GLG1: variants seen among roughly 807,000 people sequenced by gnomAD.
The protein encoded by GLG1 is Golgi apparatus protein 1.
Under a neutral mutation model 160.5 loss-of-function variants are expected in GLG1, and 38 were observed. The ratio of observed to expected loss-of-function variants is 0.24; its 90% CI spans 0.18 to 0.31. GLG1 has a LOEUF of 0.31. Ranked by LOEUF, GLG1 falls within the 10% of genes least tolerant of loss-of-function variation. The pLI is 1.00. For synonymous variants in GLG1, 644 were observed against 543.4 expected (o/e 1.19, Z -2.57); for missense variants, 1,373 against 1,505.2 (o/e 0.91, Z 1.45).
intron 10 of GLG1, among the ~76,000 whole-genome samples, chr16:74,482,426 G>A (rs1203914968): frequency 6.6e-6 from 1 of 152,208 alleles, no homozygotes; most frequent in Admixed American, 6.5e-5. Flanking sequence ...GGTGGGGAGA[G>A]AAAGCAAGAT....
intron 1 of GLG1, among the ~76,000 whole-genome samples, chr16:74,603,630 A>T (rs1329154033): frequency 6.6e-6 from 1 of 151,930 alleles, no homozygotes; most frequent in Non-Finnish European, 1.5e-5. Context: ...TCGAAATACA[A>T]GACACTAGTG....
intron 4 of GLG1, among the ~76,000 whole-genome samples, chr16:74,497,242 TCG>T (rs2016223248): frequency 6.6e-6 from 1 of 150,596 alleles, no homozygotes. Context: ...TGAGCCGAGA[TCG>T]TGCCACTGCA....
At chr16:74,599,856 T>C (rs1480384445) in intron 1 of GLG1, among the ~76,000 whole-genome samples, 2 of 149,746 alleles carry the variant, frequency 1.3e-5, no homozygotes, top group Non-Finnish European at 3.0e-5. Context: ...AGAGCTAGAC[T>C]CTGTCTCAAA....
chr16:74,477,631 T>C, intron 11 of GLG1, 98 bp from the exon 12 acceptor site: 1 of 854,428 alleles, frequency 1.2e-6, no homozygotes, highest in East Asian at 2.7e-5. Flanking sequence ...CAAATAACCC[T>C]GTATTTTATC....
intron 15 of GLG1, among the ~76,000 whole-genome samples, chr16:74,470,290 TTCCTTCCTTCCTTCCCTCCCTCCC>T (rs1597234464): frequency 6.8e-6 from 1 of 146,476 alleles, no homozygotes; most frequent in African/African-American, 2.5e-5. Context: ...CTTCCTTCCT[TTCCTTCCTTCCTTCCCTCCCTCCC>T]TCCTTCCTTC....
chr16:74,516,807 C>T (rs958173324), intron 2 of GLG1, among the ~76,000 whole-genome samples: 1 of 151,980 alleles, frequency 6.6e-6, no homozygotes, highest in Non-Finnish European at 1.5e-5. Context: ...AGATAGACTG[C>T]TAGCAAGACT....
chr16:74,518,329 G>A (rs1188950807), intron 2 of GLG1, among the ~76,000 whole-genome samples: 1 of 152,058 alleles, frequency 6.6e-6, no homozygotes, highest in South Asian at 2.1e-4. Context: ...CCAAAACAGC[G>A]TGGTACTGGT....
Position 74,462,132 on chromosome 16 carries a change from G to A in GLG1, c.2998C>T (p.Arg1000Cys), listed in dbSNP as rs751838596. 2.5e-6 allele frequency: 4 copies of A among 1,608,018 alleles called. No individual in the cohort carries two copies. Among genetic ancestry groups the A allele is most frequent in the African/African-American group, 1.3e-5 (1 of 74,884 alleles). The change falls in exon 22 of 26, where the codon CGC (arginine) becomes TGC (cysteine). Residue 1000 changes from arginine (R) to cysteine (C), a missense_variant. Arg to Cys is a radical substitution (Grantham distance 180, BLOSUM62 -3). Transcript: ENST00000422840. ...IIIQESALDYRLDPQLQLHCS... is the reference protein window; with the variant it reads ...IIIQESALDYCLDPQLQLHCS... ...TGCAGCTGGAGCTGAGGATCCAGGC[G>A]GTAGTCCAGGGCGGACTCCTGGATA...
rs118116938 is a variant in GLG1, at chr16:74,522,276, G to A, written c.471+9845C>T. ...GGGCAGATTTACAAGTATTTGTGTAGGGTAAACACCTAGAAGTAAAATGGC... is the reference window on the plus strand; with the variant it reads ...GGGCAGATTTACAAGTATTTGTGTAAGGTAAACACCTAGAAGTAAAATGGC... On this transcript the variant is annotated intron_variant, in intron 2 of 25. Transcript: ENST00000422840. Among the ~76,000 whole-genome samples, 5 of 152,214 alleles carry A rather than the reference G, an allele frequency of 3.3e-5. No homozygotes were observed. The East Asian group carries it at 5.8e-4, about 18-fold the overall frequency.
chr16:74,521,552 A>C (rs946515013), intron 2 of GLG1, among the ~76,000 whole-genome samples: 2 of 152,194 alleles, frequency 1.3e-5, no homozygotes, highest in Non-Finnish European at 2.9e-5. Context: ...TTGAGCAACC[A>C]GAAGAATAGA....
intron 1 of GLG1, among the ~76,000 whole-genome samples, chr16:74,555,747 T>C (rs1357547345): frequency 1.3e-5 from 2 of 151,580 alleles, no homozygotes; most frequent in Non-Finnish European, 2.9e-5. Context: ...TCAGGAACAA[T>C]TAGCCTAAGA....
Position 74,471,303 on chromosome 16 carries a change from G to A in GLG1, c.2116-17C>T, listed in dbSNP as rs775759408. ...TGCCACATCCTGGGGAAGACAGCAT[G>A]CATTTACACTTCATTGGTAACAATT... On this transcript the variant is annotated splice_polypyrimidine_tract_variant and intron_variant, in intron 14 of 25. Transcript: ENST00000422840. 7.7e-7 allele frequency: 1 copy of A among 1,292,236 alleles called. No individual in the cohort carries two copies. The highest frequency in any genetic ancestry group is 1.2e-5 in the South Asian group (1 of 84,266). 80.0% of individuals were successfully genotyped at this position (1,292,236 alleles called of 1,614,324 possible). A position where few individuals can be genotyped will look rare whatever the true frequency, so the allele number is the denominator to read the frequency against.
intron 1 of GLG1, among the ~76,000 whole-genome samples, chr16:74,605,176 C>G (rs1958536729): frequency 6.6e-6 from 1 of 151,704 alleles, no homozygotes; most frequent in South Asian, 2.1e-4. Flanking sequence ...AATTTGGTCC[C>G]TCCACCTCCC....
intron 21 of GLG1, 104 bp from the exon 22 acceptor site, chr16:74,462,299 A>G: frequency 1.2e-6 from 1 of 813,428 alleles, no homozygotes; most frequent in Non-Finnish European, 2.0e-6. Context: ...CACAAGAACA[A>G]GAAAAAAACA....
At chr16:74,485,427 T>C (rs989220251) in intron 9 of GLG1, among the ~76,000 whole-genome samples, 4 of 152,250 alleles carry the variant, frequency 2.6e-5, no homozygotes, top group Admixed American at 2.0e-4. Flanking sequence ...AATGAGTCAA[T>C]ATACAACTAG....
chr16:74,581,144 T>C (rs569404779), intron 1 of GLG1, among the ~76,000 whole-genome samples: 2 of 152,250 alleles, frequency 1.3e-5, no homozygotes, highest in African/African-American at 4.8e-5. Context: ...CTACTGGGTA[T>C]ATACCAAAAA....
chr16:74,565,691 G>C (rs1011214027), intron 1 of GLG1, among the ~76,000 whole-genome samples: 3 of 152,184 alleles, frequency 2.0e-5, no homozygotes, highest in African/African-American at 7.2e-5. Context: ...ACCAGCACCA[G>C]AGTAGTTCTC....
intron 1 of GLG1, among the ~76,000 whole-genome samples, chr16:74,557,604 A>T (rs2018387683): frequency 6.6e-6 from 1 of 152,228 alleles, no homozygotes; most frequent in South Asian, 2.1e-4. Flanking sequence ...AGCCTGAGTC[A>T]GGAGCTCTTG....
chr16:74,585,586 T>C (rs1441315958), intron 1 of GLG1, among the ~76,000 whole-genome samples: 3 of 151,820 alleles, frequency 2.0e-5, no homozygotes, highest in South Asian at 2.1e-4. Flanking sequence ...TGTGCGCCTG[T>C]AGTCCCAGCT....
Sources: gnomAD v4.1 joint callset for allele counts (sites outside exome capture counted in the v4.1 genomes callset) on GRCh38, gnomAD v4.1.1 for gene constraint, MANE v1.5 for transcripts, NCBI Gene and HGNC (gene_info 2026-07-23, HGNC 2026-07-21) for gene names.